GPX6: variants seen among roughly 807,000 people sequenced by gnomAD.
The protein encoded by GPX6 is glutathione peroxidase 6 (olfactory).
A neutral mutation model predicts 20.0 loss-of-function variants in GPX6; 21 were observed. That is an observed-to-expected ratio of 1.05 (90% CI 0.74 to 1.51). The LOEUF is 1.51. Among genes scored for constraint, GPX6 ranks in the 40% most tolerant of loss-of-function variants. The probability of loss-of-function intolerance (pLI) is 0.00; values close to 1 mark genes in which losing one functional copy is unlikely to be tolerated. For synonymous variants in GPX6, 75 were observed against 98.0 expected, an observed-to-expected ratio of 0.77 and a Z score of 1.38; for missense variants, 233 against 254.7, an observed-to-expected ratio of 0.91 and a Z score of 0.58.
intron 4 of GPX6, among the ~76,000 whole-genome samples, chr6:28,505,415 G>A (rs758686507): frequency 1.1e-4 from 16 of 152,124 alleles, no homozygotes; most frequent in African/African-American, 3.1e-4. Flanking sequence ...CAGACTATGC[G>A]CTATTAATGT....
intron 1 of GPX6, among the ~76,000 whole-genome samples, chr6:28,512,696 C>T (rs191188889): frequency 2.0e-5 from 3 of 152,206 alleles, no homozygotes; most frequent in South Asian, 2.1e-4. Flanking sequence ...ATAAGTCTTG[C>T]TGCTGCTCAT....
At chr6:28,512,480 G>A (rs1762902264) in intron 1 of GPX6, among the ~76,000 whole-genome samples, 1 of 152,132 alleles carries the variant, frequency 6.6e-6, no homozygotes, top group Non-Finnish European at 1.5e-5. Context: ...TGGGGAAGTG[G>A]AGCACTTTTG....
At position 28,510,903 on chromosome 6, in the gene GPX6, A is replaced by G; in HGVS notation, c.89T>C (p.Val30Ala). 1 of 1,593,910 alleles carries G rather than the reference A, an allele frequency of 6.3e-7. No homozygotes were observed. The highest frequency in any genetic ancestry group is 8.6e-7 in the Non-Finnish European group (1 of 1,169,304). The change falls in exon 2 of 5, where the codon GTG becomes GCG. Residue 30 changes from valine (V) to alanine (A), a missense_variant and splice_region_variant. By Grantham distance (64) the Val-to-Ala change is moderately conservative. Transcript: ENST00000361902. ...QQTLKPQNRK[V>A]DCNKGVTGTI... ...GCCTGTTACCCCTTTGTTGCAATCC[A>G]CCTGGAATTTTACAAAAATAACCAT...
chr6:28,511,307 G>C (rs1315367091), intron 1 of GPX6, among the ~76,000 whole-genome samples: 1 of 152,182 alleles, frequency 6.6e-6, no homozygotes, highest in East Asian at 1.9e-4. Flanking sequence ...TCATCTACAT[G>C]TTCTTATATT....
intron 1 of GPX6, among the ~76,000 whole-genome samples, chr6:28,512,237 GCC>G (rs945353008): frequency 3.9e-5 from 6 of 152,276 alleles, no homozygotes; most frequent in African/African-American, 1.4e-4. Context: ...ACTGGCTGAA[GCC>G]AGCTGGGCTC....
At chr6:28,512,638 G>A (rs1003611471) in intron 1 of GPX6, among the ~76,000 whole-genome samples, 2 of 152,186 alleles carry the variant, frequency 1.3e-5, no homozygotes, top group African/African-American at 2.4e-5. Context: ...GGCAGCCCCC[G>A]TGGGTCCCCT....
chr6:28,510,600 G>T, intron 2 of GPX6, 151 bp downstream of exon 2: 1 of 658,670 alleles, frequency 1.5e-6, no homozygotes. Flanking sequence ...ATATTCTAAG[G>T]AGCAGAGCAG....
chr6:28,505,934 A>C lies in GPX6; in HGVS notation c.360-132T>G. ...AGGCTGTGCACAGGGAAGATAAGAA[A>C]AGATAGTCTGTGGGAAGCAGGATTT... is the stretch of plus-strand genomic sequence containing the variant. On this transcript the variant is annotated intron_variant, in intron 3 of 4. Transcript: ENST00000361902. 4 of 693,950 alleles carry C rather than the reference A, an allele frequency of 5.8e-6. No individual in the cohort carries two copies. In the South Asian group the frequency reaches 7.1e-5, roughly 12 times the overall value. The allele number at this position is 693,950 out of a possible 1,614,324, so 43.0% of individuals were successfully genotyped here.
intron 1 of GPX6, among the ~76,000 whole-genome samples, chr6:28,514,679 CAG>C (rs1481985367): frequency 2.6e-5 from 4 of 152,188 alleles, no homozygotes; most frequent in Non-Finnish European, 4.4e-5. Context: ...CTTACTGAAT[CAG>C]AAAGTCTTGG....
chr6:28,505,068 C>T (rs1392552203), intron 4 of GPX6, among the ~76,000 whole-genome samples: 1 of 152,096 alleles, frequency 6.6e-6, no homozygotes, highest in African/African-American at 2.4e-5. Context: ...GATTATAGCA[C>T]CATTTTTGAG....
At chr6:28,512,798 G>A (rs144445348) in intron 1 of GPX6, among the ~76,000 whole-genome samples, 2 of 152,018 alleles carry the variant, frequency 1.3e-5, no homozygotes, top group Non-Finnish European at 2.9e-5. Context: ...CGAACCCACC[G>A]GGAGGAATGA....
At chr6:28,512,939 A>G (rs188118798) in intron 1 of GPX6, among the ~76,000 whole-genome samples, 1 of 152,232 alleles carries the variant, frequency 6.6e-6, no homozygotes, top group East Asian at 1.9e-4. Flanking sequence ...CAAACTCTGA[A>G]CACATCCGAA....
chr6:28,505,961 A>G (rs1318260577), intron 3 of GPX6, among the ~76,000 whole-genome samples, 159 bp from the exon 4 acceptor site: 1 of 152,222 alleles, frequency 6.6e-6, no homozygotes, highest in East Asian at 1.9e-4. Flanking sequence ...GCAGGATTTT[A>G]TGCAATAGGC....
rs1168328787 is a variant in GPX6, at chr6:28,512,485, C to G, written c.88-1581G>C. On this transcript the variant is annotated intron_variant, in intron 1 of 4. Transcript: ENST00000361902. Reference sequence around the variant, plus strand: ...GCTAATCTAGTGGGGAAGTGGAGCACTTTTGTGTCTAGCTCAGGGATTGTA... The same window carrying G: ...GCTAATCTAGTGGGGAAGTGGAGCAGTTTTGTGTCTAGCTCAGGGATTGTA... Among the ~76,000 whole-genome samples the G allele has an allele frequency of 2.0e-5, 3 of 152,110 alleles. No homozygotes were observed. The East Asian group carries it at 5.8e-4, about 29-fold the overall frequency.
At chr6:28,512,522 C>T (rs1762904135) in intron 1 of GPX6, among the ~76,000 whole-genome samples, 1 of 152,168 alleles carries the variant, frequency 6.6e-6, no homozygotes, top group Non-Finnish European at 1.5e-5. Context: ...AGGCACCAAT[C>T]CGCACCCTGT....
chr6:28,515,451 A>G (rs193122391), intron 1 of GPX6, among the ~76,000 whole-genome samples: 11 of 152,344 alleles, frequency 7.2e-5, no homozygotes, highest in African/African-American at 2.4e-4. Context: ...TCAAAGAGCT[A>G]CTAGGTGCAG....
chr6:28,513,714 C>T (rs756846171), intron 1 of GPX6, among the ~76,000 whole-genome samples: 1 of 152,110 alleles, frequency 6.6e-6, no homozygotes, highest in East Asian at 1.9e-4. Context: ...GGCTATAAGT[C>T]CTGGCCATAT....
intron 2 of GPX6, 63 bp downstream of exon 2, chr6:28,510,688 T>C: frequency 6.5e-7 from 1 of 1,545,010 alleles, no homozygotes; most frequent in East Asian, 2.3e-5. Context: ...TAAAACCTTC[T>C]GGAATTAGAA....
intron 2 of GPX6, among the ~76,000 whole-genome samples, chr6:28,507,633 C>T (rs1581838079): frequency 6.6e-6 from 1 of 152,206 alleles, no homozygotes; most frequent in Admixed American, 6.5e-5. Context: ...GGCAGGATTT[C>T]AGCTCACTGC....
Sources: allele counts gnomAD v4.1 joint callset (sites outside exome capture counted in the v4.1 genomes callset), GRCh38; gene constraint gnomAD v4.1.1; transcripts MANE v1.5; gene names NCBI Gene and HGNC (gene_info 2026-07-23, HGNC 2026-07-21).